Variants in CFHR4 observed in about 807,000 individuals in gnomAD.
The protein encoded by CFHR4 is complement factor H-related protein 4.
In CFHR4, 64 loss-of-function variants were observed where a neutral mutation model predicts 69.3. The ratio of observed to expected loss-of-function variants is 0.92; its 90% CI spans 0.76 to 1.14. The LOEUF is 1.14. Among genes scored for constraint, CFHR4 ranks in the 50% most tolerant of loss-of-function variants. The pLI, the probability that CFHR4 is intolerant of heterozygous loss-of-function variation, is 0.00. For missense variants in CFHR4, 636 were observed against 684.9 expected, an observed-to-expected ratio of 0.93 and a Z score of 0.80; for synonymous variants, 244 against 237.0, an observed-to-expected ratio of 1.03 and a Z score of -0.27.
At position 196,918,458 on chromosome 1, in the gene CFHR4, G is replaced by C. The variant is rs1658788078; in HGVS notation, c.*52G>C. 6.6e-7 allele frequency: 1 copy of C among 1,515,780 alleles called. No individual in the cohort carries two copies. The highest frequency in any genetic ancestry group is 1.4e-5 in the African/African-American group (1 of 71,874). The allele number at this position is 1,515,780 out of a possible 1,614,324, so 93.9% of individuals were successfully genotyped here. On this transcript the variant is annotated 3_prime_UTR_variant, in exon 10 of 10. Coordinates refer to ENST00000608469, the MANE Select transcript of CFHR4 (RefSeq NM_001201550.3). ...TCCAACTTCCACTTCTCACTCTTATGGTCTCAAAGCTTGCAAAGATAGCTT... is the reference window on the plus strand; with the variant it reads ...TCCAACTTCCACTTCTCACTCTTATCGTCTCAAAGCTTGCAAAGATAGCTT...
intron 3 of CFHR4, 96 bp from the exon 4 acceptor site, chr1:196,906,765 C>T: frequency 7.7e-7 from 1 of 1,303,958 alleles, no homozygotes; most frequent in East Asian, 2.5e-5. Context: ...TTAGCACACA[C>T]TGATTGGTAA....
chr1:196,914,642 A>G lies in CFHR4; in HGVS notation c.1328A>G (p.Asp443Gly), dbSNP rs368884512. The G allele has an allele frequency of 1.4e-5, 22 of 1,606,424 alleles. No homozygotes were observed. Among genetic ancestry groups the G allele is most frequent in the Non-Finnish European group, 1.8e-5 (21 of 1,177,618 alleles). The change falls in exon 8 of 10, where the codon GAT becomes GGT. Residue 443 changes from aspartate (D) to glycine (G), a missense_variant. Around this residue, in one of 3 missense-constraint regions of CFHR4, gnomAD observed 529 missense variants for 533.2 expected, o/e 0.99. Transcript: ENST00000608469. Reference sequence around the variant, plus strand: ...ACAGGTTCCATAGTGTGTGGTGAAGATGGGTGGTCCCATTTCCCAACATGT... The same window carrying G: ...ACAGGTTCCATAGTGTGTGGTGAAGGTGGGTGGTCCCATTTCCCAACATGT... ...NTTGSIVCGEDGWSHFPTCYN... is the reference protein window; with the variant it reads ...NTTGSIVCGEGGWSHFPTCYN...
intron 7 of CFHR4, among the ~76,000 whole-genome samples, chr1:196,913,157 A>G (rs1330516688): frequency 2.0e-5 from 3 of 151,608 alleles, no homozygotes; most frequent in Non-Finnish European, 2.9e-5. Context: ...CATAAAAGCA[A>G]TCTTATCATG....
At chr1:196,905,388 A>T in intron 3 of CFHR4, 98 bp downstream of exon 3, 1 of 1,505,342 alleles carries the variant, frequency 6.6e-7, no homozygotes, top group South Asian at 1.2e-5. Flanking sequence ...CACTTTTAGG[A>T]GTAAAGAGAT....
chr1:196,894,190 T>C (rs1451016922), intron 1 of CFHR4, among the ~76,000 whole-genome samples: 1 of 151,660 alleles, frequency 6.6e-6, no homozygotes, highest in Non-Finnish European at 1.5e-5. Flanking sequence ...ATAATTCACT[T>C]AAATGCATTG....
chr1:196,907,239 A>C, intron 4 of CFHR4, 77 bp from the exon 5 acceptor site: 1 of 1,295,692 alleles, frequency 7.7e-7, no homozygotes. Flanking sequence ...TACATTTAAG[A>C]GTATATAAAA....
At chr1:196,913,821 A>C (rs780667910) in intron 7 of CFHR4, among the ~76,000 whole-genome samples, 4 of 151,468 alleles carry the variant, frequency 2.6e-5, no homozygotes, top group Non-Finnish European at 5.9e-5. Context: ...ATACTAGGCT[A>C]AGTGAGAAAA....
At position 196,899,743 on chromosome 1, in the gene CFHR4, G is replaced by C. The variant is rs143285656; in HGVS notation, c.59-2675G>C. Among the ~76,000 whole-genome samples the C allele has an allele frequency of 1.8e-3, 266 of 151,792 alleles. 8 individuals carry two copies. Among genetic ancestry groups the C allele is most frequent in the African/African-American group, 6.1e-3 (251 of 41,266 alleles). ...CCAAATGCTTCTGGACCAACTGAATGCCAGCTATATCTGGTTTTCTGCAAA... is the reference window on the plus strand; with the variant it reads ...CCAAATGCTTCTGGACCAACTGAATCCCAGCTATATCTGGTTTTCTGCAAA... On this transcript the variant is annotated intron_variant, in intron 1 of 9. Transcript: ENST00000608469.
intron 3 of CFHR4, among the ~76,000 whole-genome samples, chr1:196,906,281 T>C (rs1023245385): frequency 1.3e-5 from 2 of 151,452 alleles, no homozygotes; most frequent in African/African-American, 4.9e-5. Context: ...AAAATATCAA[T>C]TCGTACATTT....
chr1:196,894,217 A>G (rs1216484761), intron 1 of CFHR4, among the ~76,000 whole-genome samples: 1 of 151,684 alleles, frequency 6.6e-6, no homozygotes, highest in Non-Finnish European at 1.5e-5. Context: ...TAAATTATGT[A>G]GAAAATGAAA....
chr1:196,913,849 A>G (rs1278827319), intron 7 of CFHR4, among the ~76,000 whole-genome samples: 2 of 151,410 alleles, frequency 1.3e-5, no homozygotes, highest in Non-Finnish European at 2.9e-5. Context: ...ACACATTTAC[A>G]AAGTGATTAT....
Position 196,912,816 on chromosome 1 carries a change from A to G in CFHR4, c.1074A>G (p.Lys358=), listed in dbSNP as rs764077233. 5.4e-5 allele frequency: 86 copies of G among 1,604,478 alleles called. 2 individuals carry two copies. The highest frequency in any genetic ancestry group is 1.2e-4 in the Admixed American group (7 of 59,594). The change falls in exon 7 of 10, where the codon AAA becomes AAG. Residue 358 remains lysine (K), a synonymous_variant. Coordinates refer to ENST00000608469, the MANE Select transcript of CFHR4 (RefSeq NM_001201550.3). ...SESSSIYILN[K]EIQYKCKPGY... Reference sequence around the variant, plus strand: ...CTTCCTCTATTTATATTTTAAATAAAGAAATACAATATAAATGTAAACCAG... The same window carrying G: ...CTTCCTCTATTTATATTTTAAATAAGGAAATACAATATAAATGTAAACCAG...
intron 9 of CFHR4, among the ~76,000 whole-genome samples, chr1:196,915,671 TAAAAC>T (rs1010935527): frequency 1.0e-4 from 15 of 150,434 alleles, no homozygotes; most frequent in East Asian, 3.9e-4. Flanking sequence ...AATAAATAAA[TAAAAC>T]AGAAGAAGAA....
Position 196,902,365 on chromosome 1 carries a change from T to A in CFHR4, c.59-53T>A, listed in dbSNP as rs897557090. On this transcript the variant is annotated intron_variant, in intron 1 of 9. Coordinates refer to ENST00000608469, the MANE Select transcript of CFHR4 (RefSeq NM_001201550.3). The stretch of plus-strand genomic sequence containing the variant: ...TATTGATCAAAAATGTCATATATGA[T>A]TATCTGTTATAGAAAAACATTATTT... The A allele has an allele frequency of 7.5e-6, 9 of 1,197,894 alleles. No homozygotes were observed. In the African/African-American group the frequency reaches 1.3e-4, roughly 17 times the overall value. The allele number at this position is 1,197,894 out of a possible 1,614,324, so 74.2% of individuals were successfully genotyped here. A position where few individuals can be genotyped will look rare whatever the true frequency, so the allele number is the denominator to read the frequency against.
intron 1 of CFHR4, among the ~76,000 whole-genome samples, chr1:196,891,887 T>C (rs1204952174): frequency 6.6e-6 from 1 of 151,410 alleles, no homozygotes; most frequent in Non-Finnish European, 1.5e-5. Context: ...ATGTCTCACC[T>C]GATACATGAA....
In CFHR4 at chr1:196,918,541, T is replaced by C. The variant is rs1307525924; in HGVS notation, c.*135T>C. 5 of 905,888 alleles carry C rather than the reference T, an allele frequency of 5.5e-6. No individual in the cohort carries two copies. The highest frequency in any genetic ancestry group is 3.0e-5 in the South Asian group (2 of 66,542). The allele number at this position is 905,888 out of a possible 1,614,324, so 56.1% of individuals were successfully genotyped here. A position where few individuals can be genotyped will look rare whatever the true frequency, so the allele number is the denominator to read the frequency against. On this transcript the variant is annotated 3_prime_UTR_variant, in exon 10 of 10. Transcript: ENST00000608469. ...AGAAAATTAATATAATAGTTTCAAT[T>C]TGCAACTTAATATGTTCTCAAAAAT...
Position 196,888,137 on chromosome 1 carries a change from T to C in CFHR4, c.-14T>C, listed in dbSNP as rs1161473640. Reference sequence around the variant, plus strand: ...TGAAACTTTTGCATTACTATACTACTGAGAATATCTAACATGTTGTTACTA... The same window carrying C: ...TGAAACTTTTGCATTACTATACTACCGAGAATATCTAACATGTTGTTACTA... On this transcript the variant is annotated 5_prime_UTR_variant, in exon 1 of 10. Coordinates refer to ENST00000608469, the MANE Select transcript of CFHR4 (RefSeq NM_001201550.3). The C allele has an allele frequency of 1.9e-6, 3 of 1,604,842 alleles. No individual in the cohort carries two copies. Among genetic ancestry groups the C allele is most frequent in the Admixed American group, 3.3e-5 (2 of 59,748 alleles).
chr1:196,907,937 A>T (rs1199191676), intron 5 of CFHR4, among the ~76,000 whole-genome samples: 1 of 151,466 alleles, frequency 6.6e-6, no homozygotes, highest in East Asian at 1.9e-4. Flanking sequence ...TAGATAAAGA[A>T]AATGTGGCAC....
chr1:196,897,254 G>C (rs1281540566), intron 1 of CFHR4, among the ~76,000 whole-genome samples: 3 of 151,582 alleles, frequency 2.0e-5, no homozygotes, highest in Non-Finnish European at 2.9e-5. Context: ...GCTTGCAGAC[G>C]GGCAGGTGCA....
Sources: gnomAD v4.1 joint callset for allele counts (sites outside exome capture counted in the v4.1 genomes callset) on GRCh38, gnomAD v4.1.1 for gene constraint, gnomAD v4.1.1 regional missense constraint, MANE v1.5 for transcripts, NCBI Gene and HGNC (gene_info 2026-07-23, HGNC 2026-07-21) for gene names.